C12orf42: variants seen among roughly 807,000 people sequenced by gnomAD.
C12orf42 encodes chromosome 12 open reading frame 42, also known as uncharacterized protein C12orf42.
In C12orf42, 25 loss-of-function variants were observed where a neutral mutation model predicts 21.6. The ratio of observed to expected loss-of-function variants is 1.16; its 90% CI spans 0.84 to 1.62. The LOEUF (loss-of-function observed/expected upper bound fraction) is 1.62, where lower values mean the gene tolerates loss of function less well. C12orf42 is among the 40% of genes most tolerant of loss of function. The pLI, the probability that C12orf42 is intolerant of heterozygous loss-of-function variation, is 0.00. For synonymous variants in C12orf42, 174 were observed against 175.0 expected, an observed-to-expected ratio of 0.99 and a Z score of 0.05; for missense variants, 483 against 459.3, an observed-to-expected ratio of 1.05 and a Z score of -0.47.
rs115634401 is a variant in C12orf42 at position 103,449,256 on chromosome 12, G to T, written c.78+29093C>A. 5.5e-3 allele frequency among the ~76,000 whole-genome samples: 837 copies of T among 152,106 alleles called. 12 individuals are homozygous for T. The highest frequency in any genetic ancestry group is 0.019 in the African/African-American group (791 of 41,476). On this transcript the variant is annotated intron_variant, in intron 2 of 5. Transcript: ENST00000548883. ...CTCAGGAATGGAAAAACCAAACATT[G>T]TATGTTCTCAATCATAATTGGGAGC...
At chr12:103,227,743 C>A in the C12orf42 span, among the ~76,000 whole-genome samples, 2 of 152,136 alleles carry the variant, frequency 1.3e-5, no homozygotes, top group African/African-American at 4.8e-5. Context: ...AGAGAGGCGT[C>A]CCTGCAATGA....
At chr12:103,137,667 T>C in the C12orf42 span, among the ~76,000 whole-genome samples, 4 of 152,314 alleles carry the variant, frequency 2.6e-5, no homozygotes, top group East Asian at 7.7e-4. Context: ...GTGGTATACA[T>C]ACAGAATGGA....
At chr12:103,058,334 T>C in the C12orf42 span, among the ~76,000 whole-genome samples, 1 of 152,186 alleles carries the variant, frequency 6.6e-6, no homozygotes, top group Non-Finnish European at 1.5e-5. Context: ...TGTTTTTTTC[T>C]TGTAAATTTG....
chr12:103,067,425 G>C, the C12orf42 span, among the ~76,000 whole-genome samples: 5 of 152,180 alleles, frequency 3.3e-5, no homozygotes, highest in Non-Finnish European at 5.9e-5. Context: ...TAGAATGGTG[G>C]AATGGTCTTT....
chr12:103,134,574 G>GA, the C12orf42 span, among the ~76,000 whole-genome samples: 1 of 151,138 alleles, frequency 6.6e-6, no homozygotes. Context: ...CAAAAATAAA[G>GA]AAAAAAGAAT....
At chr12:103,222,007 G>T in the C12orf42 span, among the ~76,000 whole-genome samples, 2 of 152,166 alleles carry the variant, frequency 1.3e-5, no homozygotes, top group South Asian at 2.1e-4. Context: ...GAAACAATTT[G>T]GTAGGCATCA....
chr12:103,244,782 G>T (rs2033933113), intron 10 of C12orf42, among the ~76,000 whole-genome samples: 1 of 151,756 alleles, frequency 6.6e-6, no homozygotes, highest in South Asian at 2.1e-4. Flanking sequence ...CCCCTATCTT[G>T]TCATTAATGT....
chr12:103,226,646 G>T, the C12orf42 span, among the ~76,000 whole-genome samples: 1 of 152,152 alleles, frequency 6.6e-6, no homozygotes, highest in African/African-American at 2.4e-5. Flanking sequence ...CCGACCAGGT[G>T]TGAGGAGGGG....
At chr12:103,256,500 T>C (rs929317783) in intron 10 of C12orf42, among the ~76,000 whole-genome samples, 7 of 151,532 alleles carry the variant, frequency 4.6e-5, no homozygotes, top group Non-Finnish European at 8.8e-5. Flanking sequence ...AATGGTGCCA[T>C]GTCTAAAGGT....
the C12orf42 span, among the ~76,000 whole-genome samples, chr12:103,517,127 G>A: frequency 3.9e-5 from 6 of 152,178 alleles, no homozygotes; most frequent in African/African-American, 1.4e-4. Context: ...AAGACCAATG[G>A]GATGGAGCAG....
chr12:103,234,596 A>G (rs1317706627), downstream of C12orf42, among the ~76,000 whole-genome samples: 1 of 152,154 alleles, frequency 6.6e-6, no homozygotes, highest in African/African-American at 2.4e-5. Flanking sequence ...ATCTTACATT[A>G]AATTTACTTT....
chr12:103,517,020 G>A, the C12orf42 span, among the ~76,000 whole-genome samples: 4 of 152,288 alleles, frequency 2.6e-5, no homozygotes, highest in Admixed American at 6.5e-5. Context: ...AAACAAGGCT[G>A]CTTAAACTAG....
chr12:103,201,134 C>T, the C12orf42 span, among the ~76,000 whole-genome samples: 1 of 152,192 alleles, frequency 6.6e-6, no homozygotes, highest in Non-Finnish European at 1.5e-5. Flanking sequence ...TGTGACATGC[C>T]ATCAGGCATT....
At chr12:103,171,885 G>C in the C12orf42 span, among the ~76,000 whole-genome samples, 1 of 152,148 alleles carries the variant, frequency 6.6e-6, no homozygotes, top group African/African-American at 2.4e-5. Context: ...AGGGAACCCA[G>C]TGTCAATGGC....
At chr12:103,536,281 G>A in the C12orf42 span, among the ~76,000 whole-genome samples, 1 of 152,114 alleles carries the variant, frequency 6.6e-6, no homozygotes, top group Non-Finnish European at 1.5e-5. Context: ...GAGTAAGGGT[G>A]GTTGGGGATG....
chr12:103,230,514 A>T, the C12orf42 span, among the ~76,000 whole-genome samples: 1 of 152,194 alleles, frequency 6.6e-6, no homozygotes, highest in African/African-American at 2.4e-5. Context: ...AGAGGAGAGG[A>T]TTATATAGGG....
the C12orf42 span, chr12:103,548,601 A>T: frequency 2.6e-5 from 4 of 152,238 alleles, no homozygotes; most frequent in African/African-American, 9.6e-5. Flanking sequence ...GATAGTAGCT[A>T]TTGATAGAAT....
intron 2 of C12orf42, among the ~76,000 whole-genome samples, chr12:103,449,940 A>G (rs1396872471): frequency 6.6e-6 from 1 of 151,692 alleles, no homozygotes; most frequent in East Asian, 1.9e-4. Context: ...ATTTTATTTA[A>G]TGTATCTTAA....
chr12:103,053,998 T>G, the C12orf42 span, among the ~76,000 whole-genome samples: 1 of 151,914 alleles, frequency 6.6e-6, no homozygotes, highest in South Asian at 2.1e-4. Flanking sequence ...ACTGCACCTA[T>G]GTAATGCCTT....
Sources: allele counts gnomAD v4.1 joint callset (sites outside exome capture counted in the v4.1 genomes callset), GRCh38; gene constraint gnomAD v4.1.1; transcripts MANE v1.5; gene names NCBI Gene and HGNC (gene_info 2026-07-23, HGNC 2026-07-21).